Variants in H2AZ1 observed in about 807,000 individuals in gnomAD.
H2AZ1 encodes the protein histone H2A.Z.
In H2AZ1, 3 loss-of-function variants were observed where a neutral mutation model predicts 16.6. That is an observed-to-expected ratio of 0.18 (90% CI 0.08 to 0.47). The LOEUF is 0.47. H2AZ1 is among the 20% of genes least tolerant of loss of function. H2AZ1 has a pLI of 0.98. For missense variants in H2AZ1, 27 were observed against 163.6 expected, an observed-to-expected ratio of 0.17 and a Z score of 4.55; for synonymous variants, 78 against 60.7, an observed-to-expected ratio of 1.28 and a Z score of -1.32.
Position 99,949,649 on chromosome 4 carries a change from G to A in H2AZ1, c.81+14C>T, listed in dbSNP as rs1727230267. The A allele has an allele frequency of 1.2e-6, 2 of 1,610,348 alleles. No individual in the cohort carries two copies. Among genetic ancestry groups the A allele is most frequent in the East Asian group, 2.2e-5 (1 of 44,846 alleles). ...AAACATCATGACTCCCAGACTGCAC[G>A]AACAACTACTGACCTGCAAGCCGGC... is the stretch of plus-strand genomic sequence containing the variant. On this transcript the variant is annotated intron_variant, in intron 2 of 4. Transcript: ENST00000296417.
At chr4:99,948,707 C>T (rs898298188) in intron 4 of H2AZ1, 104 bp downstream of exon 4, 153 of 1,479,404 alleles carry the variant, frequency 1.0e-4, no homozygotes, top group Admixed American at 2.1e-4. Flanking sequence ...ATACTTCCAT[C>T]ATTGAAAATA....
intron 1 of H2AZ1, 46 bp from the exon 2 acceptor site, chr4:99,949,786 A>G (rs1727233922): frequency 3.4e-6 from 5 of 1,457,844 alleles, no homozygotes; most frequent in Non-Finnish European, 4.7e-6. Flanking sequence ...CGGAGAATAT[A>G]GAATTACCAA....
intron 1 of H2AZ1, 178 bp from the exon 2 acceptor site, chr4:99,949,918 G>A (rs1727238924): frequency 5.1e-6 from 1 of 195,426 alleles, no homozygotes; most frequent in Non-Finnish European, 9.0e-6. Context: ...CCCGCCGCGC[G>A]CTCGCCACGG....
chr4:99,949,693 C>G lies in H2AZ1; in HGVS notation c.51G>C (p.Ala17=). ...AGCCGGCTCTCTGCGAGCGGGAAAC[C>G]GCCTTTGTCTTGGCCTTTCCGGAGT... ...GKDSGKAKTK[A]VSRSQRAGLQ... is the part of the protein sequence containing the mutation. The change falls in exon 2 of 5, where the codon GCG becomes GCC. Residue 17 remains alanine (A), a synonymous_variant. Transcript: ENST00000296417. 6.2e-7 allele frequency: 1 copy of G among 1,614,110 alleles called. No individual in the cohort carries two copies. Among genetic ancestry groups the G allele is most frequent in the Non-Finnish European group, 8.5e-7 (1 of 1,179,978 alleles).
intron 2 of H2AZ1, 45 bp downstream of exon 2, chr4:99,949,618 A>G: frequency 6.4e-7 from 1 of 1,562,946 alleles, no homozygotes; most frequent in Non-Finnish European, 8.8e-7. Flanking sequence ...AAGGAAATGC[A>G]AAGAAAAACA....
chr4:99,949,011 C>A lies in H2AZ1; in HGVS notation c.196-71G>T, dbSNP rs559185347. Reference sequence around the variant, plus strand: ...AAGATTCAGAGAACAGAATAAAACCCTCACAAACGCAGATCTACCAACTGG... The same window carrying A: ...AAGATTCAGAGAACAGAATAAAACCATCACAAACGCAGATCTACCAACTGG... On this transcript the variant is annotated intron_variant, in intron 3 of 4. Coordinates refer to ENST00000296417, the MANE Select transcript of H2AZ1 (RefSeq NM_002106.4). 9 of 935,068 alleles carry A rather than the reference C, an allele frequency of 9.6e-6. No individual in the cohort carries two copies. In the African/African-American group the frequency reaches 1.5e-4, roughly 15 times the overall value. The allele number at this position is 935,068 out of a possible 1,614,324, so 57.9% of individuals were successfully genotyped here. A position where few individuals can be genotyped will look rare whatever the true frequency, so the allele number is the denominator to read the frequency against.
At chr4:99,948,732 C>G (rs1727200007) in intron 4 of H2AZ1, 79 bp downstream of exon 4, 2 of 1,531,736 alleles carry the variant, frequency 1.3e-6, no homozygotes, top group Admixed American at 2.1e-5. Flanking sequence ...TAAATTTCCT[C>G]TCCTGGAAAA....
intron 3 of H2AZ1, 69 bp from the exon 4 acceptor site, chr4:99,949,009 C>G: frequency 1.1e-6 from 1 of 947,800 alleles, no homozygotes; most frequent in Non-Finnish European, 1.7e-6. Context: ...CAGAATAAAA[C>G]CCTCACAAAC....
chr4:99,948,124 G>C lies in H2AZ1; in HGVS notation c.*338C>G, dbSNP rs1282229624. The C allele has an allele frequency of 7.2e-6, 3 of 414,898 alleles. No homozygotes were observed. The highest frequency in any genetic ancestry group is 6.1e-5 in the African/African-American group (3 of 49,292). The allele number at this position is 414,898 out of a possible 1,614,324, so 25.7% of individuals were successfully genotyped here. On this transcript the variant is annotated 3_prime_UTR_variant, in exon 5 of 5. Coordinates refer to ENST00000296417, the MANE Select transcript of H2AZ1 (RefSeq NM_002106.4). ...ACCTTTATTGAACTTATCCACCAGAGTGGAAATAATGTCTGTACAAAACCA... is the reference window on the plus strand; with the variant it reads ...ACCTTTATTGAACTTATCCACCAGACTGGAAATAATGTCTGTACAAAACCA...
chr4:99,948,152 TGTTTGTTACTA>T lies in H2AZ1; in HGVS notation c.*299_*309del. On this transcript the variant is annotated 3_prime_UTR_variant, in exon 5 of 5. Coordinates refer to ENST00000296417, the MANE Select transcript of H2AZ1 (RefSeq NM_002106.4). ...GAAATAATGTCTGTACAAAACCAAATGTTTGTTACTATAACTTCTGCATCACAATTAAAATC... is the reference window on the plus strand; with the variant it reads ...GAAATAATGTCTGTACAAAACCAAATTAACTTCTGCATCACAATTAAAATC... 1 of 502,134 alleles carries T rather than the reference TGTTTGTTACTA, an allele frequency of 2.0e-6. No individual in the cohort carries two copies. The highest frequency in any genetic ancestry group is 3.7e-6 in the Non-Finnish European group (1 of 272,212). 31.1% of individuals were successfully genotyped at this position (502,134 alleles called of 1,614,324 possible).
chr4:99,949,968 G>GCGCCACCCAACCGT (rs1727241478), intron 1 of H2AZ1, 200 bp downstream of exon 1: 5 of 288,854 alleles, frequency 1.7e-5, no homozygotes, highest in Non-Finnish European at 2.3e-5. Context: ...GGCGCTGCGC[G>GCGCCACCCAACCGT]CGCCACCCAA....
chr4:99,949,001 G>A, intron 3 of H2AZ1, 61 bp from the exon 4 acceptor site: 1 of 1,015,066 alleles, frequency 9.9e-7, no homozygotes, highest in South Asian at 1.3e-5. Flanking sequence ...TCAGAGAACA[G>A]AATAAAACCC....
chr4:99,949,826 G>C (rs1727235448), intron 1 of H2AZ1, 86 bp from the exon 2 acceptor site: 2 of 1,075,248 alleles, frequency 1.9e-6, no homozygotes, highest in Admixed American at 2.7e-5. Context: ...ACCGCGGCGC[G>C]TCCCGCCGCG....
intron 2 of H2AZ1, 131 bp downstream of exon 2, chr4:99,949,532 T>C (rs1454862141): frequency 9.8e-7 from 1 of 1,019,734 alleles, no homozygotes. Context: ...ATATTTATCG[T>C]ATGGGCAGCC....
In H2AZ1 at chr4:99,949,710, T is replaced by G; in HGVS notation, c.34A>C (p.Lys12Gln). ...CGGGAAACCGCCTTTGTCTTGGCCT[T>G]TCCGGAGTCCTTTCCAGCCTTACCG... ...AGGKAGKDSGKAKTKAVSRSQ... is the reference protein window; with the variant it reads ...AGGKAGKDSGQAKTKAVSRSQ... Residue 12 changes from lysine to glutamine, a missense_variant, in exon 2 of 5, where the codon AAG becomes CAG. Lys to Gln is a moderately conservative substitution (Grantham distance 53). This residue lies in a region of H2AZ1 where 13 missense variants were observed against 34.8 expected (regional missense o/e 0.37). Transcript: ENST00000296417. 6.2e-7 allele frequency: 1 copy of G among 1,613,824 alleles called. No homozygotes were observed. The highest frequency in any genetic ancestry group is 8.5e-7 in the Non-Finnish European group (1 of 1,179,896).
At position 99,948,323 on chromosome 4, in the gene H2AZ1, A is replaced by C; in HGVS notation, c.*139T>G. 1.4e-6 allele frequency: 1 copy of C among 739,196 alleles called. No homozygotes were observed. Among genetic ancestry groups the C allele is most frequent in the Non-Finnish European group, 2.5e-6 (1 of 399,598 alleles). 45.8% of individuals were successfully genotyped at this position (739,196 alleles called of 1,614,324 possible). On this transcript the variant is annotated 3_prime_UTR_variant, in exon 5 of 5. Transcript: ENST00000296417. Reference sequence around the variant, plus strand: ...AATTTGGTTGGTTGGAAAGCTAATTAAACTTCCAACTTGCTCAAATAGAAT... The same window carrying C: ...AATTTGGTTGGTTGGAAAGCTAATTCAACTTCCAACTTGCTCAAATAGAAT...
intron 1 of H2AZ1, 80 bp downstream of exon 1, chr4:99,950,088 A>T (rs544980949): frequency 2.1e-6 from 3 of 1,422,726 alleles, no homozygotes; most frequent in Admixed American, 3.6e-5. Flanking sequence ...TCGCCACTTC[A>T]CCCCCATCCC....
chr4:99,949,991 G>A (rs1458928433), intron 1 of H2AZ1, 177 bp downstream of exon 1: 2 of 428,888 alleles, frequency 4.7e-6, no homozygotes, highest in African/African-American at 2.1e-5. Flanking sequence ...GTCGCCGCCC[G>A]CCGCGAGATC....
At chr4:99,949,248 G>A (rs370063450) in intron 3 of H2AZ1, 25 bp downstream of exon 3, 7 of 1,368,302 alleles carry the variant, frequency 5.1e-6, no homozygotes, top group East Asian at 2.3e-5. Context: ...AACCTTCTCC[G>A]GATTATAGGC....
Sources: gnomAD v4.1 joint callset for allele counts on GRCh38, gnomAD v4.1.1 for gene constraint, gnomAD v4.1.1 regional missense constraint, MANE v1.5 for transcripts, NCBI Gene and HGNC (gene_info 2026-07-23, HGNC 2026-07-21) for gene names.